SPECC1L: variants seen among roughly 807,000 people sequenced by gnomAD.
SPECC1L encodes cytospin-A.
A neutral mutation model predicts 116.8 loss-of-function variants in SPECC1L; 40 were observed. The ratio of observed to expected loss-of-function variants is 0.34; its 90% confidence interval spans 0.27 to 0.45. The LOEUF (loss-of-function observed/expected upper bound fraction) is 0.45, where lower values mean the gene tolerates loss of function less well. SPECC1L is among the 20% of genes least tolerant of loss of function. The pLI, the probability that SPECC1L is intolerant of heterozygous loss-of-function variation, is 1.00. For synonymous variants in SPECC1L, 504 were observed against 500.6 expected, an observed-to-expected ratio of 1.01 and a Z score of -0.09; for missense variants, 1,110 against 1,373.6, an observed-to-expected ratio of 0.81 and a Z score of 3.03.
At chr22:24,320,631 T>A (rs1239786529) in intron 4 of SPECC1L, among the ~76,000 whole-genome samples, 5 of 152,252 alleles carry the variant, frequency 3.3e-5, no homozygotes, top group Non-Finnish European at 1.5e-5. Flanking sequence ...ACGTCTTTAA[T>A]GAGGCTTATA....
chr22:24,337,697 T>G (rs1441498547), intron 9 of SPECC1L, among the ~76,000 whole-genome samples: 1 of 152,244 alleles, frequency 6.6e-6, no homozygotes, highest in Admixed American at 6.5e-5. Context: ...GCTTCATCTT[T>G]CCACACTGTG....
intron 10 of SPECC1L, among the ~76,000 whole-genome samples, chr22:24,345,758 C>T (rs753122978): frequency 6.6e-6 from 1 of 152,120 alleles, no homozygotes; most frequent in African/African-American, 2.4e-5. Flanking sequence ...GGCTGACGAT[C>T]TGAAGTGTGG....
intron 14 of SPECC1L, among the ~76,000 whole-genome samples, chr22:24,410,703 C>T (rs1601370560): frequency 6.6e-6 from 1 of 152,178 alleles, no homozygotes; most frequent in Admixed American, 6.5e-5. Flanking sequence ...TGGACCAATG[C>T]TCAGGGGGCC....
chr22:24,300,997 C>A (rs558732977), intron 2 of SPECC1L, among the ~76,000 whole-genome samples: 1 of 152,084 alleles, frequency 6.6e-6, no homozygotes, highest in Admixed American at 6.5e-5. Context: ...ATGTAAAACC[C>A]AAAACCATAA....
intron 10 of SPECC1L, among the ~76,000 whole-genome samples, chr22:24,346,842 C>T (rs906687220): frequency 1.3e-5 from 2 of 152,076 alleles, no homozygotes; most frequent in Middle Eastern, 3.4e-3. Context: ...GTAAAGAGTA[C>T]GTAGGATCTC....
chr22:24,362,648 A>G (rs1386224531), intron 11 of SPECC1L, among the ~76,000 whole-genome samples: 2 of 152,016 alleles, frequency 1.3e-5, no homozygotes, highest in Non-Finnish European at 2.9e-5. Flanking sequence ...CTTAGCCTTT[A>G]TTATTCTCTA....
At chr22:24,273,497 G>C (rs5760301) in intron 1 of SPECC1L, among the ~76,000 whole-genome samples, 2 of 151,906 alleles carry the variant, frequency 1.3e-5, no homozygotes, top group South Asian at 2.1e-4. Context: ...AATAGTAAAT[G>C]CAAGGGTAGT....
intron 2 of SPECC1L, among the ~76,000 whole-genome samples, chr22:24,296,189 T>C (rs1458333236): frequency 6.6e-6 from 1 of 152,232 alleles, no homozygotes; most frequent in Non-Finnish European, 1.5e-5. Context: ...TGAATTGACC[T>C]GGAGAGAATT....
rs1156265765 is a variant in SPECC1L at position 24,321,720 on chromosome 22, A to G, written c.740A>G (p.Gln247Arg). 2 of 1,614,266 alleles carry G rather than the reference A, an allele frequency of 1.2e-6. No homozygotes were observed. The highest frequency in any genetic ancestry group is 1.7e-6 in the Non-Finnish European group (2 of 1,180,052). ...GTGGAGTCCACTTTATTGCAGTTGC[A>G]GGAACAGAATACTGCCATCCGTGAA... ...TDVESTLLQL[Q>R]EQNTAIREEL... The change falls in exon 5 of 17, where the codon CAG (glutamine) becomes CGG (arginine). Residue 247 changes from glutamine to arginine, a missense_variant. By Grantham distance (43) the Gln-to-Arg change is conservative. This residue lies in a region of SPECC1L where 437 missense variants were observed against 482.6 expected (regional missense o/e 0.91). Coordinates refer to ENST00000314328, the MANE Select transcript of SPECC1L (RefSeq NM_015330.6).
chr22:24,406,596 G>A (rs5751862), intron 14 of SPECC1L, among the ~76,000 whole-genome samples: 60,380 of 151,956 alleles, frequency 0.4, 13,137 homozygotes, highest in Non-Finnish European at 0.48. Flanking sequence ...TGGCAGGTAG[G>A]GGGTGGAGAA....
chr22:24,374,561 G>A (rs1464812607), intron 14 of SPECC1L, among the ~76,000 whole-genome samples: 1 of 146,456 alleles, frequency 6.8e-6, no homozygotes, highest in African/African-American at 2.5e-5. Flanking sequence ...ACTCATAGGT[G>A]GGAATTGAAC....
chr22:24,332,934 A>AAT (rs1303022486), intron 8 of SPECC1L, among the ~76,000 whole-genome samples: 1 of 152,178 alleles, frequency 6.6e-6, no homozygotes, highest in Non-Finnish European at 1.5e-5. Flanking sequence ...ATTCTTTATT[A>AAT]AAAGTTCTAA....
intron 4 of SPECC1L, among the ~76,000 whole-genome samples, chr22:24,320,445 T>G (rs2040698785): frequency 6.6e-6 from 1 of 152,212 alleles, no homozygotes; most frequent in Non-Finnish European, 1.5e-5. Context: ...CTTCGTTGTT[T>G]TTTACATTTA....
At chr22:24,283,879 C>G (rs2048992507) in intron 2 of SPECC1L, among the ~76,000 whole-genome samples, 1 of 152,142 alleles carries the variant, frequency 6.6e-6, no homozygotes, top group Admixed American at 6.5e-5. Flanking sequence ...CTTGAATTTA[C>G]TGGCATAAAG....
rs566229211 is a variant in SPECC1L, at chr22:24,311,838, C to T, written c.154-1475C>T. Among the ~76,000 whole-genome samples, 63 of 144,498 alleles carry T rather than the reference C, an allele frequency of 4.4e-4. No homozygotes were observed. In the East Asian group the frequency reaches 0.012, roughly 27 times the overall value. The allele number at this position is 144,498 out of a possible 152,430, so 94.8% of individuals were successfully genotyped here. On this transcript the variant is annotated intron_variant, in intron 3 of 16. Transcript: ENST00000314328. ...AAAAAAAAAAAAAAAAGAATATGAA[C>T]AGTCCTTGAAATTAATGCAGTGTTT...
At chr22:24,403,067 A>C (rs1025701307) in intron 14 of SPECC1L, among the ~76,000 whole-genome samples, 1 of 152,150 alleles carries the variant, frequency 6.6e-6, no homozygotes, top group Non-Finnish European at 1.5e-5. Context: ...AGTCTTTATG[A>C]GGGTAGAAAG....
intron 1 of SPECC1L, among the ~76,000 whole-genome samples, chr22:24,274,018 A>T (rs1263391028): frequency 2.0e-5 from 3 of 152,194 alleles, no homozygotes; most frequent in Admixed American, 1.3e-4. Flanking sequence ...TTGGCCTCCC[A>T]AAGTGCTGAG....
At chr22:24,387,250 A>G (rs1311939302) in intron 14 of SPECC1L, among the ~76,000 whole-genome samples, 1 of 152,278 alleles carries the variant, frequency 6.6e-6, no homozygotes, top group Admixed American at 6.5e-5. Context: ...AACATGCAGC[A>G]GCATGGATGA....
intron 13 of SPECC1L, among the ~76,000 whole-genome samples, chr22:24,367,935 C>G (rs568805646): frequency 6.6e-6 from 1 of 152,142 alleles, no homozygotes; most frequent in Middle Eastern, 3.2e-3. Context: ...GTCAAGCTGC[C>G]GGTTACATTA....
Sources: allele counts gnomAD v4.1 joint callset (sites outside exome capture counted in the v4.1 genomes callset), GRCh38; gene constraint gnomAD v4.1.1; regional missense constraint gnomAD v4.1.1; transcripts MANE v1.5; gene names NCBI Gene and HGNC (gene_info 2026-07-23, HGNC 2026-07-21).